The following MKLN1 variants were observed in gnomAD, a reference collection of about 807,000 sequenced individuals.
MKLN1 encodes muskelin.
A neutral mutation model predicts 99.0 loss-of-function variants in MKLN1; 18 were observed. That is an observed-to-expected ratio of 0.18 (90% CI 0.13 to 0.27). MKLN1 has a LOEUF of 0.27. Among genes scored for constraint, MKLN1 ranks in the 10% least tolerant of loss-of-function variants. The pLI, the probability that MKLN1 is intolerant of heterozygous loss-of-function variation, is 1.00. For synonymous variants in MKLN1, 288 were observed against 293.2 expected, an observed-to-expected ratio of 0.98 and a Z score of 0.18; for missense variants, 621 against 875.9, an observed-to-expected ratio of 0.71 and a Z score of 3.67.
At chr7:131,275,341 GT>G (rs1449360610) in intron 3 of MKLN1, among the ~76,000 whole-genome samples, 3 of 136,072 alleles carry the variant, frequency 2.2e-5, no homozygotes, top group Admixed American at 7.5e-5. Context: ...CCATCACCTA[GT>G]TTTTTTGTTG....
At chr7:131,321,250 TA>T (rs1051396827) in intron 3 of MKLN1, among the ~76,000 whole-genome samples, 4 of 100,448 alleles carry the variant, frequency 4.0e-5, no homozygotes, top group African/African-American at 9.1e-5. Context: ...TATGCAGCTA[TA>T]AAAAAAGAGT....
chr7:131,241,022 C>T (rs2116493603), intron 3 of MKLN1, among the ~76,000 whole-genome samples: 1 of 152,248 alleles, frequency 6.6e-6, no homozygotes, highest in South Asian at 2.1e-4. Flanking sequence ...TCCCATGGGC[C>T]ACTTTATTCA....
chr7:131,142,756 T>G, intron 1 of MKLN1: 1 of 410,694 alleles, frequency 2.4e-6, no homozygotes. Context: ...AAAAAGGAAT[T>G]GCAAGCAGAG....
chr7:131,111,773 A>C (rs1584766526), intron 1 of MKLN1, among the ~76,000 whole-genome samples: 1 of 766 alleles, frequency 1.3e-3, no homozygotes, highest in African/African-American at 1.4e-3. Context: ...GAAACGCATA[A>C]ATAAATAAAT....
intron 12 of MKLN1, among the ~76,000 whole-genome samples, chr7:131,454,530 G>T (rs1389090411): frequency 6.6e-6 from 1 of 152,226 alleles, no homozygotes; most frequent in Non-Finnish European, 1.5e-5. Flanking sequence ...AGAGAAGGAT[G>T]TGGCAGACAC....
rs1795389956 is a variant in MKLN1 at position 131,122,638 on chromosome 7, T to A, written c.-419+12431T>A. On this transcript the variant is annotated intron_variant, in intron 1 of 7. Coordinates refer to the MKLN1 transcript ENST00000416992. ...AACGCTGCCCAGCCCCAGTTTCCCA[T>A]GAGAGAGAAAGGTGACTACTGGCAG... Among the ~76,000 whole-genome samples, 3 of 152,118 alleles carry A rather than the reference T, an allele frequency of 2.0e-5. No individual in the cohort carries two copies. In the South Asian group the frequency reaches 6.2e-4, roughly 31 times the overall value.
intron 3 of MKLN1, among the ~76,000 whole-genome samples, chr7:131,228,520 C>T (rs1007169018): frequency 2.0e-5 from 3 of 152,192 alleles, no homozygotes; most frequent in African/African-American, 7.2e-5. Context: ...CTCAGCTCTG[C>T]TGCTCTTAGT....
At chr7:131,236,814 G>C (rs1023955183) in intron 3 of MKLN1, among the ~76,000 whole-genome samples, 3 of 151,676 alleles carry the variant, frequency 2.0e-5, no homozygotes, top group African/African-American at 7.3e-5. Flanking sequence ...GCAAGTCCCT[G>C]TCTCTACATA....
At chr7:131,342,571 A>G (rs546126504) in intron 1 of MKLN1, among the ~76,000 whole-genome samples, 31 of 152,328 alleles carry the variant, frequency 2.0e-4, no homozygotes, top group Admixed American at 7.2e-4. Flanking sequence ...CCTTACACAA[A>G]AGAAGACAGG....
At chr7:131,373,548 C>A (rs12672463) in intron 1 of MKLN1, among the ~76,000 whole-genome samples, 66,602 of 151,824 alleles carry the variant, frequency 0.44, 14,853 homozygotes, top group East Asian at 0.67. Context: ...GATAATAAGT[C>A]TCTTTATTTG....
At chr7:131,410,254 G>C (rs1794836612) in intron 6 of MKLN1, among the ~76,000 whole-genome samples, 1 of 152,134 alleles carries the variant, frequency 6.6e-6, no homozygotes, top group African/African-American at 2.4e-5. Flanking sequence ...AAACATGGTA[G>C]AACTTTAGTA....
chr7:131,342,960 T>C (rs1425615815), intron 1 of MKLN1, among the ~76,000 whole-genome samples: 2 of 152,216 alleles, frequency 1.3e-5, no homozygotes, highest in African/African-American at 4.8e-5. Flanking sequence ...TATTAGAAGG[T>C]AGAAGAGAGA....
intron 6 of MKLN1, among the ~76,000 whole-genome samples, chr7:131,408,661 G>C (rs894524548): frequency 3.3e-5 from 5 of 152,020 alleles, no homozygotes; most frequent in African/African-American, 9.7e-5. Context: ...CAGGATTTCT[G>C]TGTTGCCCAG....
intron 1 of MKLN1, among the ~76,000 whole-genome samples, chr7:131,364,116 A>G (rs1800108004): frequency 6.6e-6 from 1 of 152,140 alleles, no homozygotes; most frequent in South Asian, 2.1e-4. Flanking sequence ...TCATTTTTAT[A>G]GTATACTCTT....
At chr7:131,382,010 C>A (rs28657869) in intron 2 of MKLN1, among the ~76,000 whole-genome samples, 2,449 of 152,212 alleles carry the variant, frequency 0.016, 46 homozygotes, top group African/African-American at 0.053. Context: ...TATCCATATA[C>A]CTGTTAATGA....
At chr7:131,153,666 T>TTG (rs1554529409) in intron 2 of MKLN1, among the ~76,000 whole-genome samples, 45 of 146,572 alleles carry the variant, frequency 3.1e-4, no homozygotes, top group Admixed American at 4.7e-4. Context: ...TTTTTTTGGT[T>TTG]TTTTTTTTTT....
chr7:131,308,047 C>G (rs970423538), intron 3 of MKLN1, among the ~76,000 whole-genome samples: 1 of 152,140 alleles, frequency 6.6e-6, no homozygotes, highest in Admixed American at 6.5e-5. Flanking sequence ...CCCCCATGCT[C>G]TTCTCATGAT....
At chr7:131,225,293 T>C (rs966464145) in intron 3 of MKLN1, among the ~76,000 whole-genome samples, 38 of 152,116 alleles carry the variant, frequency 2.5e-4, no homozygotes, top group Admixed American at 1.5e-3. Context: ...CTCCACATGG[T>C]GGAAGGAGGG....
upstream of MKLN1, chr7:131,327,033 G>C (rs1798905701): frequency 6.6e-6 from 1 of 152,244 alleles, no homozygotes; most frequent in African/African-American, 2.4e-5. Flanking sequence ...TGCACCTTTT[G>C]TTGTAAGAAG....
Sources: gnomAD v4.1 joint callset for allele counts (sites outside exome capture counted in the v4.1 genomes callset) on GRCh38, gnomAD v4.1.1 for gene constraint, MANE v1.5 for transcripts, NCBI Gene and HGNC (gene_info 2026-07-23, HGNC 2026-07-21) for gene names.